The following SLC6A6 variants were observed in gnomAD, a reference collection of about 807,000 sequenced individuals.
SLC6A6 encodes the protein solute carrier family 6 member 6.
In SLC6A6, 16 loss-of-function variants were observed where a neutral mutation model predicts 68.8. The ratio of observed to expected loss-of-function variants is 0.23; its 90% CI spans 0.16 to 0.35. The LOEUF (loss-of-function observed/expected upper bound fraction) is 0.35, where lower values mean the gene tolerates loss of function less well. SLC6A6 is among the 10% of genes least tolerant of loss of function. The probability of loss-of-function intolerance (pLI) is 1.00; values close to 1 mark genes in which losing one functional copy is unlikely to be tolerated. For synonymous variants in SLC6A6, 312 were observed against 315.4 expected, an observed-to-expected ratio of 0.99 and a Z score of 0.12; for missense variants, 474 against 802.8, an observed-to-expected ratio of 0.59 and a Z score of 4.95.
chr3:14,463,476 CT>C (rs1480897552), intron 6 of SLC6A6, among the ~76,000 whole-genome samples: 3 of 152,242 alleles, frequency 2.0e-5, no homozygotes, highest in African/African-American at 7.2e-5. Context: ...CACTGGGTTG[CT>C]TGGCCCAGTG....
intron 9 of SLC6A6, among the ~76,000 whole-genome samples, chr3:14,470,611 G>A (rs1264447461): frequency 2.0e-5 from 3 of 152,172 alleles, no homozygotes; most frequent in Admixed American, 6.5e-5. Flanking sequence ...GGGGTTGTGG[G>A]GGCCCATTTT....
At chr3:14,431,499 CATT>C (rs1288806475) in intron 2 of SLC6A6, among the ~76,000 whole-genome samples, 3 of 152,162 alleles carry the variant, frequency 2.0e-5, no homozygotes, top group African/African-American at 7.2e-5. Flanking sequence ...GGTACCTGCT[CATT>C]AGGCAGGGGA....
chr3:14,442,584 G>C (rs1452435482), intron 2 of SLC6A6, among the ~76,000 whole-genome samples: 7 of 152,230 alleles, frequency 4.6e-5, no homozygotes, highest in African/African-American at 1.7e-4. Context: ...GCCACACTGG[G>C]TGTGACTGTG....
At chr3:14,437,417 C>G (rs1453788116) in intron 2 of SLC6A6, among the ~76,000 whole-genome samples, 1 of 151,972 alleles carries the variant, frequency 6.6e-6, no homozygotes, top group Non-Finnish European at 1.5e-5. Context: ...GCCACCACAT[C>G]CAGCTAATTT....
chr3:14,428,638 G>A (rs573024503), intron 2 of SLC6A6, among the ~76,000 whole-genome samples: 11 of 152,316 alleles, frequency 7.2e-5, no homozygotes, highest in Non-Finnish European at 1.3e-4. Context: ...GAGGGGCCCT[G>A]TGTGCAGGTG....
intron 6 of SLC6A6, among the ~76,000 whole-genome samples, chr3:14,460,044 A>G (rs958830573): frequency 6.6e-6 from 1 of 151,970 alleles, no homozygotes; most frequent in Non-Finnish European, 1.5e-5. Context: ...CCACAGGCAC[A>G]TGCCACCATG....
At chr3:14,418,332 T>G (rs1455396477) in intron 2 of SLC6A6, among the ~76,000 whole-genome samples, 1 of 152,200 alleles carries the variant, frequency 6.6e-6, no homozygotes, top group South Asian at 2.1e-4. Flanking sequence ...AGGCAAGCGT[T>G]TGTTTGTGGC....
intron 1 of SLC6A6, among the ~76,000 whole-genome samples, chr3:14,408,336 T>C (rs113289705): frequency 6.7e-6 from 1 of 149,948 alleles, no homozygotes; most frequent in Non-Finnish European, 1.5e-5. Context: ...ATCATATCTC[T>C]TTCTTTTTTT....
At chr3:14,404,888 CA>C (rs1437233035) in intron 1 of SLC6A6, among the ~76,000 whole-genome samples, 3 of 152,240 alleles carry the variant, frequency 2.0e-5, no homozygotes, top group African/African-American at 7.2e-5. Context: ...ACCCATGGCT[CA>C]GCTGCAATCA....
In SLC6A6 at chr3:14,468,731, G is replaced by T. The variant is rs1319204286; in HGVS notation, c.1096+519G>T. ...CCGTAGGCACTGGGTGCAGTGTGTG[G>T]GGGGAGGGCGTAGATGAGGGGACGA... is the stretch of plus-strand genomic sequence containing the variant. On this transcript the variant is annotated intron_variant, in intron 9 of 14. Coordinates refer to ENST00000622186, the MANE Select transcript of SLC6A6 (RefSeq NM_003043.6). This position sits in a 1 kb window ranked among gnomAD's most constrained non-coding sequence, Gnocchi z 4.5. 6.6e-6 allele frequency among the ~76,000 whole-genome samples: 1 copy of T among 152,188 alleles called. No individual in the cohort carries two copies. The highest frequency in any genetic ancestry group is 1.5e-5 in the Non-Finnish European group (1 of 68,038).
At chr3:14,425,991 G>A (rs953222820) in intron 2 of SLC6A6, among the ~76,000 whole-genome samples, 7 of 152,186 alleles carry the variant, frequency 4.6e-5, no homozygotes, top group South Asian at 2.1e-4. Context: ...ACTGGGCCTC[G>A]CGCAGCCAGG....
chr3:14,456,159 G>T (rs923377725), intron 5 of SLC6A6, among the ~76,000 whole-genome samples: 5 of 152,224 alleles, frequency 3.3e-5, no homozygotes, highest in African/African-American at 1.2e-4. Flanking sequence ...CTACTCCTGG[G>T]ATCAGATGAG....
chr3:14,463,615 T>G (rs1700546018), intron 6 of SLC6A6, among the ~76,000 whole-genome samples: 2 of 152,222 alleles, frequency 1.3e-5, no homozygotes, highest in Admixed American at 1.3e-4. Flanking sequence ...TCGGGGCGCC[T>G]GGCCGCCTGT....
intron 9 of SLC6A6, among the ~76,000 whole-genome samples, chr3:14,471,685 C>G (rs1700755595): frequency 6.6e-6 from 1 of 152,240 alleles, no homozygotes; most frequent in South Asian, 2.1e-4. Flanking sequence ...AAATGCACCC[C>G]TGAAGAGACA....
chr3:14,417,683 G>A (rs1424765672), intron 2 of SLC6A6, among the ~76,000 whole-genome samples: 3 of 148,754 alleles, frequency 2.0e-5, no homozygotes, highest in Non-Finnish European at 3.0e-5. Context: ...AGCGAGCCGC[G>A]ATCGTGCCAC....
At chr3:14,456,594 T>C (rs558556777) in intron 5 of SLC6A6, among the ~76,000 whole-genome samples, 1 of 152,366 alleles carries the variant, frequency 6.6e-6, no homozygotes, top group East Asian at 1.9e-4. Context: ...ATAAAGGGTC[T>C]AGCCTGGTGT....
At chr3:14,434,033 T>C (rs1699795306) in intron 2 of SLC6A6, among the ~76,000 whole-genome samples, 2 of 152,230 alleles carry the variant, frequency 1.3e-5, no homozygotes, top group African/African-American at 4.8e-5. Context: ...TGCCACACTC[T>C]GGCTTTCTGT....
chr3:14,422,363 G>A (rs544692782), intron 2 of SLC6A6, among the ~76,000 whole-genome samples: 18 of 152,228 alleles, frequency 1.2e-4, no homozygotes, highest in African/African-American at 3.1e-4. Context: ...CCTCTGATTC[G>A]CCATGGAAAA....
At chr3:14,448,552 C>T (rs1383378260) in intron 5 of SLC6A6, among the ~76,000 whole-genome samples, 6 of 152,180 alleles carry the variant, frequency 3.9e-5, no homozygotes, top group African/African-American at 1.4e-4. Context: ...GAACAAGAAA[C>T]GGTCAATCCC....
Sources: gnomAD v4.1 joint callset for allele counts (sites outside exome capture counted in the v4.1 genomes callset) on GRCh38, gnomAD v4.1.1 for gene constraint, Gnocchi (gnomAD v3.1) non-coding constraint, MANE v1.5 for transcripts, NCBI Gene and HGNC (gene_info 2026-07-23, HGNC 2026-07-21) for gene names.